ROCK2: variants seen among roughly 807,000 people sequenced by gnomAD.
The protein encoded by ROCK2 is Rho associated coiled-coil containing protein kinase 2.
In ROCK2, 61 loss-of-function variants were observed where a neutral mutation model predicts 195.1. That is an observed-to-expected ratio of 0.31 (90% confidence interval 0.25 to 0.39). The LOEUF is 0.39. Ranked by LOEUF, ROCK2 falls within the 10% of genes least tolerant of loss-of-function variation. The pLI, the probability that ROCK2 is intolerant of heterozygous loss-of-function variation, is 1.00. For missense variants in ROCK2, 1,109 were observed against 1,637.4 expected, an observed-to-expected ratio of 0.68 and a Z score of 5.57; for synonymous variants, 504 against 545.5, an observed-to-expected ratio of 0.92 and a Z score of 1.06.
At chr2:11,212,896 C>G (rs746078012) in intron 17 of ROCK2, among the ~76,000 whole-genome samples, 17 of 152,288 alleles carry the variant, frequency 1.1e-4, no homozygotes, top group Non-Finnish European at 2.4e-4. Context: ...TGCAGACATG[C>G]TAATTTGGCT....
chr2:11,187,291 C>T (rs1663233377), intron 32 of ROCK2, among the ~76,000 whole-genome samples: 2 of 152,218 alleles, frequency 1.3e-5, no homozygotes, highest in Admixed American at 6.5e-5. Context: ...AACTGCCCAA[C>T]GTTGTAAACA....
intron 3 of ROCK2, among the ~76,000 whole-genome samples, chr2:11,250,111 G>C (rs989076738): frequency 4.6e-5 from 7 of 152,096 alleles, no homozygotes; most frequent in African/African-American, 1.7e-4. Context: ...TTAAGAATGA[G>C]ATATTGTTAA....
chr2:11,263,158 A>G (rs1418854810), intron 3 of ROCK2, among the ~76,000 whole-genome samples: 2 of 152,200 alleles, frequency 1.3e-5, no homozygotes, highest in Non-Finnish European at 2.9e-5. Flanking sequence ...AGCATTGGAA[A>G]ATCATGCCCC....
intron 1 of ROCK2, among the ~76,000 whole-genome samples, chr2:11,296,305 C>T (rs184834087): frequency 6.6e-6 from 1 of 152,010 alleles, no homozygotes; most frequent in Non-Finnish European, 1.5e-5. Context: ...TGAAAAGATA[C>T]AACAAACAGA....
chr2:11,215,208 A>G lies in ROCK2; in HGVS notation c.1689+113T>C, dbSNP rs1572253935. 6.2e-6 allele frequency: 9 copies of G among 1,461,642 alleles called. No individual in the cohort carries two copies. In the East Asian group the frequency reaches 1.4e-4, roughly 23 times the overall value. 90.5% of individuals were successfully genotyped at this position (1,461,642 alleles called of 1,614,324 possible). A position where few individuals can be genotyped will look rare whatever the true frequency, so the allele number is the denominator to read the frequency against. ...AAACAAAAACCTAAAAATATTTTCC[A>G]AATGATTTCTAAAATTAGAGGTAAA... On this transcript the variant is annotated intron_variant, in intron 15 of 32. Coordinates refer to ENST00000315872, the MANE Select transcript of ROCK2 (RefSeq NM_004850.5).
At chr2:11,246,233 A>C (rs1665610708) in intron 4 of ROCK2, among the ~76,000 whole-genome samples, 1 of 152,278 alleles carries the variant, frequency 6.6e-6, no homozygotes, top group East Asian at 1.9e-4. Context: ...TCTAACAACC[A>C]ATTTACAAAA....
chr2:11,216,165 T>G lies in ROCK2; in HGVS notation c.1454A>C (p.Glu485Ala). ...AAAGTGGGGCAACTTTACCTCCTCTTCTAGCTCCTTTGCTGTTTTTTCTAG... is the reference window on the plus strand; with the variant it reads ...AAAGTGGGGCAACTTTACCTCCTCTGCTAGCTCCTTTGCTGTTTTTTCTAG... ...TRLEKTAKEL[E>A]EEITLRKSVE... The change falls in exon 13 of 33, where the codon GAA (glutamate) becomes GCA (alanine). Residue 485 changes from glutamate (E) to alanine (A), a missense_variant. Transcript: ENST00000315872. The G allele has an allele frequency of 6.8e-6, 11 of 1,612,968 alleles. No individual in the cohort carries two copies. The highest frequency in any genetic ancestry group is 9.3e-6 in the Non-Finnish European group (11 of 1,179,088).
intron 1 of ROCK2, chr2:11,308,385 C>A (rs1457610147): frequency 5.9e-6 from 9 of 1,517,624 alleles, no homozygotes; most frequent in African/African-American, 1.4e-5. Flanking sequence ...AGAATTTTGG[C>A]ACCTGGTGAA....
intron 4 of ROCK2, among the ~76,000 whole-genome samples, chr2:11,238,872 G>A (rs1307595578): frequency 6.6e-6 from 1 of 151,922 alleles, no homozygotes; most frequent in Non-Finnish European, 1.5e-5. Flanking sequence ...TACATAGATC[G>A]ATTGAACACA....
chr2:11,267,804 C>T (rs532052009), intron 3 of ROCK2, among the ~76,000 whole-genome samples: 1 of 151,284 alleles, frequency 6.6e-6, no homozygotes, highest in African/African-American at 2.4e-5. Context: ...CGCCACCAAG[C>T]CCGGCTAATT....
chr2:11,281,678 A>C (rs1483255278), intron 3 of ROCK2, among the ~76,000 whole-genome samples: 1 of 152,216 alleles, frequency 6.6e-6, no homozygotes, highest in Non-Finnish European at 1.5e-5. Context: ...GTATATGAGC[A>C]ATGTATATGA....
intron 1 of ROCK2, among the ~76,000 whole-genome samples, chr2:11,342,897 G>GA (rs1287553674): frequency 6.6e-6 from 1 of 152,174 alleles, no homozygotes; most frequent in African/African-American, 2.4e-5. Context: ...AACGATGCCT[G>GA]AAACCTCAAA....
At chr2:11,242,929 T>C (rs1665479903) in intron 4 of ROCK2, among the ~76,000 whole-genome samples, 1 of 152,184 alleles carries the variant, frequency 6.6e-6, no homozygotes, top group South Asian at 2.1e-4. Flanking sequence ...ACTCTCTCTC[T>C]AGTGCTCTCC....
chr2:11,257,341 C>T (rs1263989208), intron 3 of ROCK2, among the ~76,000 whole-genome samples: 2 of 151,350 alleles, frequency 1.3e-5, no homozygotes, highest in Non-Finnish European at 2.9e-5. Flanking sequence ...GCTGCAGTGG[C>T]GGCGTCACGA....
intron 1 of ROCK2, among the ~76,000 whole-genome samples, chr2:11,309,463 C>A (rs922348196): frequency 2.6e-5 from 4 of 152,142 alleles, no homozygotes; most frequent in Non-Finnish European, 5.9e-5. Context: ...ACACGACTCC[C>A]ACCCATCTTA....
chr2:11,275,009 C>G (rs1485040323), intron 3 of ROCK2, among the ~76,000 whole-genome samples: 1 of 152,164 alleles, frequency 6.6e-6, no homozygotes, highest in Non-Finnish European at 1.5e-5. Flanking sequence ...GTAATCCCAG[C>G]ACTTTGGGAG....
intron 3 of ROCK2, among the ~76,000 whole-genome samples, chr2:11,259,540 C>G (rs1042251336): frequency 1.3e-5 from 2 of 151,350 alleles, no homozygotes; most frequent in Non-Finnish European, 2.9e-5. Flanking sequence ...CTCTCTGAGA[C>G]TCAGTTTTGC....
chr2:11,249,717 A>AG lies in ROCK2; in HGVS notation c.405dup (p.Phe136LeufsTer14). The AG allele has an allele frequency of 6.3e-7, 1 of 1,585,608 alleles. No individual in the cohort carries two copies. Among genetic ancestry groups the AG allele is most frequent in the African/African-American group, 1.3e-5 (1 of 74,306 alleles). On this transcript the variant is annotated frameshift_variant, in exon 4 of 33. Transcript: ENST00000315872. LOFTEE classifies it high-confidence loss of function. ...ATAATATCTCTTTCTTCCCAAAAAA[A>AG]GGCAGAATCTGATCTTTTTATCATT... is the stretch of plus-strand genomic sequence containing the variant.
intron 3 of ROCK2, among the ~76,000 whole-genome samples, chr2:11,270,144 TTTTATTCTCA>T (rs1172562611): frequency 6.6e-6 from 1 of 151,574 alleles, no homozygotes; most frequent in African/African-American, 2.4e-5. Context: ...TTGCTTTCTT[TTTTATTCTCA>T]ATACTTTAAA....
Sources: gnomAD v4.1 joint callset for allele counts (sites outside exome capture counted in the v4.1 genomes callset) on GRCh38, gnomAD v4.1.1 for gene constraint, MANE v1.5 for transcripts, NCBI Gene and HGNC (gene_info 2026-07-23, HGNC 2026-07-21) for gene names.